The following NEK3 variants were observed in gnomAD, a reference collection of about 807,000 sequenced individuals.
NEK3 encodes the protein serine/threonine-protein kinase Nek3.
A neutral mutation model predicts 66.0 loss-of-function variants in NEK3; 54 were observed. The ratio of observed to expected loss-of-function variants is 0.82; its 90% CI spans 0.66 to 1.03. The LOEUF (loss-of-function observed/expected upper bound fraction) is 1.03. NEK3 is among the 50% of genes least tolerant of loss of function. The pLI is 0.00. For synonymous variants in NEK3, 200 were observed against 206.2 expected, an observed-to-expected ratio of 0.97 and a Z score of 0.26; for missense variants, 593 against 603.0, an observed-to-expected ratio of 0.98 and a Z score of 0.17.
At chr13:52,133,503 T>C (rs992866681) in intron 15 of NEK3, among the ~76,000 whole-genome samples, 186 bp downstream of exon 15, 7 of 151,992 alleles carry the variant, frequency 4.6e-5, no homozygotes, top group Admixed American at 4.6e-4. Context: ...ATAATCATAT[T>C]GTAAGGCATT....
At chr13:52,155,166 T>C (rs1203151933) in intron 2 of NEK3, among the ~76,000 whole-genome samples, 3 of 151,968 alleles carry the variant, frequency 2.0e-5, no homozygotes, top group African/African-American at 7.2e-5. Flanking sequence ...TCACTCAAGT[T>C]TGAAAATCAC....
At chr13:52,148,323 A>T in intron 8 of NEK3, 92 bp downstream of exon 8, 1 of 1,213,218 alleles carries the variant, frequency 8.2e-7, no homozygotes, top group Non-Finnish European at 1.2e-6. Flanking sequence ...ACTTCATCCT[A>T]GGGAAGCAAA....
intron 14 of NEK3, 140 bp downstream of exon 14, chr13:52,135,589 C>A: frequency 1.6e-6 from 1 of 633,658 alleles, no homozygotes. Context: ...CTGGTGATGG[C>A]TGTACAACAA....
chr13:52,150,139 C>G (rs994825946), intron 7 of NEK3, among the ~76,000 whole-genome samples: 3 of 152,086 alleles, frequency 2.0e-5, no homozygotes, highest in African/African-American at 7.2e-5. Flanking sequence ...ATTGTCATAC[C>G]CTTTTCAGAA....
At chr13:52,134,455 C>G (rs1956185513) in intron 14 of NEK3, among the ~76,000 whole-genome samples, 1 of 151,706 alleles carries the variant, frequency 6.6e-6, no homozygotes, top group Admixed American at 6.6e-5. Context: ...TTCTTTTTTC[C>G]TTTGAACTTT....
At chr13:52,159,832 C>T (rs1006792319), upstream of NEK3, 2 of 152,236 alleles carry the variant, frequency 1.3e-5, no homozygotes, top group East Asian at 3.9e-4. Flanking sequence ...GCACAGCACT[C>T]AGTGCTAGCT....
intron 8 of NEK3, 80 bp from the exon 9 acceptor site, chr13:52,144,971 C>T (rs1486333144): frequency 2.1e-6 from 2 of 951,102 alleles, no homozygotes; most frequent in East Asian, 5.3e-5. Context: ...GTAAATTATT[C>T]TAATTTTATA....
At chr13:52,156,018 T>C (rs1253256166) in intron 2 of NEK3, 57 bp downstream of exon 2, 11 of 1,192,086 alleles carry the variant, frequency 9.2e-6, no homozygotes, top group Non-Finnish European at 1.3e-5. Flanking sequence ...AAAAACTTAT[T>C]CTTTTATATA....
intron 10 of NEK3, among the ~76,000 whole-genome samples, chr13:52,141,824 A>C (rs746587867): frequency 1.3e-5 from 2 of 151,902 alleles, no homozygotes; most frequent in Non-Finnish European, 2.9e-5. Context: ...TCATCCCTGT[A>C]ATCCCAGCAC....
intron 5 of NEK3, among the ~76,000 whole-genome samples, chr13:52,152,387 GTA>G (rs944400354): frequency 1.4e-4 from 21 of 152,024 alleles, no homozygotes; most frequent in Admixed American, 9.8e-4. Flanking sequence ...CAGTGTGTGT[GTA>G]TATATATATA....
intron 10 of NEK3, among the ~76,000 whole-genome samples, chr13:52,142,622 G>A (rs922578555): frequency 6.6e-6 from 1 of 152,092 alleles, no homozygotes; most frequent in African/African-American, 2.4e-5. Context: ...AAGACTGAAG[G>A]GTTTGCATCC....
intron 5 of NEK3, 104 bp from the exon 6 acceptor site, chr13:52,151,496 T>C: frequency 1.0e-6 from 1 of 991,972 alleles, no homozygotes; most frequent in Non-Finnish European, 1.5e-6. Flanking sequence ...AGGCTAGAAA[T>C]GCTGACAGCT....
At chr13:52,151,020 T>G in intron 7 of NEK3, 126 bp downstream of exon 7, 1 of 697,168 alleles carries the variant, frequency 1.4e-6, no homozygotes, top group African/African-American at 1.8e-5. Context: ...TGCTTTCAGA[T>G]ATATTTCTTA....
intron 2 of NEK3, among the ~76,000 whole-genome samples, chr13:52,155,404 TG>T (rs1364031852): frequency 6.6e-6 from 1 of 152,230 alleles, no homozygotes; most frequent in Non-Finnish European, 1.5e-5. Context: ...CATTCTTCAC[TG>T]TATTTTTATG....
At position 52,135,872 on chromosome 13, in the gene NEK3, A is replaced by T. The variant is rs945373073; in HGVS notation, c.1175-9T>A. 1 of 1,605,354 alleles carries T rather than the reference A, an allele frequency of 6.2e-7. No homozygotes were observed. Among genetic ancestry groups the T allele is most frequent in the Non-Finnish European group, 8.5e-7 (1 of 1,177,688 alleles). Reference sequence around the variant, plus strand: ...CTTTATTACAGAACCACCTAGTTGCAAAAAGACAAAAATTAGTGCTGAATA... The same window carrying T: ...CTTTATTACAGAACCACCTAGTTGCTAAAAGACAAAAATTAGTGCTGAATA... On this transcript the variant is annotated splice_polypyrimidine_tract_variant and intron_variant, in intron 13 of 15. Transcript: ENST00000610828.
At chr13:52,134,850 T>C (rs948465421) in intron 14 of NEK3, among the ~76,000 whole-genome samples, 1 of 152,214 alleles carries the variant, frequency 6.6e-6, no homozygotes, top group Non-Finnish European at 1.5e-5. Context: ...CAGGGCACTA[T>C]AATTCTTTAT....
At chr13:52,154,849 T>A (rs1016432121) in intron 2 of NEK3, among the ~76,000 whole-genome samples, 1 of 148,886 alleles carries the variant, frequency 6.7e-6, no homozygotes, top group Non-Finnish European at 1.5e-5. Flanking sequence ...TCCCAGCCAC[T>A]GGGGAGGGTG....
intron 5 of NEK3, 150 bp from the exon 6 acceptor site, chr13:52,151,542 C>A: frequency 3.0e-6 from 2 of 669,114 alleles, no homozygotes; most frequent in Non-Finnish European, 5.1e-6. Context: ...CCAAGATCCC[C>A]TCTTGATCGC....
intron 10 of NEK3, among the ~76,000 whole-genome samples, chr13:52,143,574 G>C (rs911418777): frequency 2.6e-5 from 4 of 152,162 alleles, no homozygotes; most frequent in Non-Finnish European, 5.9e-5. Context: ...TTTCCTACAA[G>C]ATTAGTGCTA....
Sources: gnomAD v4.1 joint callset for allele counts (sites outside exome capture counted in the v4.1 genomes callset) on GRCh38, gnomAD v4.1.1 for gene constraint, MANE v1.5 for transcripts, NCBI Gene and HGNC (gene_info 2026-07-23, HGNC 2026-07-21) for gene names.